MGA: variants seen among roughly 807,000 people sequenced by gnomAD.
MGA encodes the protein MAX gene-associated protein.
In MGA, 40 loss-of-function variants were observed where a neutral mutation model predicts 261.1. The ratio of observed to expected loss-of-function variants is 0.15; its 90% CI spans 0.12 to 0.20. MGA has a LOEUF of 0.20. Among genes scored for constraint, MGA ranks in the 10% least tolerant of loss-of-function variants. MGA has a pLI of 1.00. For missense variants in MGA, 3,397 were observed against 3,630.5 expected (o/e 0.94, Z 1.65); for synonymous variants, 1,302 against 1,290.6 (o/e 1.01, Z -0.19).
At chr15:41,719,869 A>C (rs915993735) in intron 9 of MGA, among the ~76,000 whole-genome samples, 20 of 152,326 alleles carry the variant, frequency 1.3e-4, no homozygotes, top group African/African-American at 4.6e-4. Context: ...ATATTTATGT[A>C]ATTTGCTGTA....
intron 2 of MGA, among the ~76,000 whole-genome samples, chr15:41,670,849 TTTGG>T (rs1222279006): frequency 9.9e-5 from 15 of 152,214 alleles, no homozygotes; most frequent in Admixed American, 3.3e-4. Flanking sequence ...AAGCTTCTTC[TTTGG>T]TTGGGCAATT....
intron 20 of MGA, among the ~76,000 whole-genome samples, chr15:41,761,275 A>G (rs1392778031): frequency 6.6e-6 from 1 of 152,260 alleles, no homozygotes; most frequent in Non-Finnish European, 1.5e-5. Context: ...GAAATATTCA[A>G]GGGAGCAGAA....
At position 41,711,384 on chromosome 15, in the gene MGA, G is replaced by A. The variant is rs1359935271; in HGVS notation, c.3084+35G>A. On this transcript the variant is annotated intron_variant, in intron 8 of 23. Coordinates refer to ENST00000219905, the MANE Select transcript of MGA (RefSeq NM_001164273.2). ...TGCTGTTTTCTGGAGGTATATTAGT[G>A]CTTGGCTAGAAAGAGCGAGGTTAGT... 5 of 1,538,864 alleles carry A rather than the reference G, an allele frequency of 3.2e-6. No individual in the cohort carries two copies. In the East Asian group the frequency reaches 1.1e-4, roughly 35 times the overall value.
At position 41,742,055 on chromosome 15, in the gene MGA, T is replaced by G. The variant is rs186975446; in HGVS notation, c.4586-491T>G. Among the ~76,000 whole-genome samples, 11 of 152,024 alleles carry G rather than the reference T, an allele frequency of 7.2e-5. No individual in the cohort carries two copies. The East Asian group carries it at 1.8e-3, about 24-fold the overall frequency. On this transcript the variant is annotated intron_variant, in intron 14 of 23. Coordinates refer to ENST00000219905, the MANE Select transcript of MGA (RefSeq NM_001164273.2). ...CCTTTCTTGTTAGAACTGAGGTTTG[T>G]TTTTGGTCAAGGCAAGCGTTTGATT...
intron 5 of MGA, among the ~76,000 whole-genome samples, chr15:41,701,180 T>C (rs1005803268): frequency 2.0e-5 from 3 of 152,142 alleles, no homozygotes; most frequent in Non-Finnish European, 2.9e-5. Context: ...TATCTTTTTT[T>C]CTCCCCTTTT....
In MGA at chr15:41,736,405, A is replaced by G. The variant is rs1293264195; in HGVS notation, c.4141A>G (p.Lys1381Glu). Reference sequence around the variant, plus strand: ...CATCATTGAGTTGGCTTCTCAGCGAAAGAGCCGGGGTGAGAAGAACCCTCC... The same window carrying G: ...CATCATTGAGTTGGCTTCTCAGCGAGAGAGCCGGGGTGAGAAGAACCCTCC... The change falls in exon 13 of 24, where the codon AAG becomes GAG. Residue 1381 changes from lysine (K) to glutamate (E), a missense_variant. This residue lies in a region of MGA where 1,410 missense variants were observed against 1,386.4 expected (regional missense o/e 1.02). Coordinates refer to ENST00000219905, the MANE Select transcript of MGA (RefSeq NM_001164273.2). 6.2e-7 allele frequency: 1 copy of G among 1,614,016 alleles called. No individual in the cohort carries two copies. Among genetic ancestry groups the G allele is most frequent in the South Asian group, 1.1e-5 (1 of 91,080 alleles).
intron 1 of MGA, among the ~76,000 whole-genome samples, chr15:41,654,685 C>G (rs774582998): frequency 6.6e-6 from 1 of 152,140 alleles, no homozygotes; most frequent in East Asian, 1.9e-4. Flanking sequence ...GCCACTGTGC[C>G]ATCTTTTAAA....
intron 1 of MGA, among the ~76,000 whole-genome samples, chr15:41,666,338 T>C (rs2057737135): frequency 6.6e-6 from 1 of 152,264 alleles, no homozygotes; most frequent in African/African-American, 2.4e-5. Context: ...TTTCCAGAGA[T>C]AGTCTGTGTA....
intron 9 of MGA, chr15:41,718,471 G>A: frequency 1.3e-6 from 1 of 766,188 alleles, no homozygotes; most frequent in Non-Finnish European, 2.3e-6. Flanking sequence ...CGTACAATTT[G>A]TGAGTCCACA....
chr15:41,627,830 T>C (rs1413623469), intron 1 of MGA, among the ~76,000 whole-genome samples: 1 of 152,192 alleles, frequency 6.6e-6, no homozygotes, highest in Non-Finnish European at 1.5e-5. Context: ...GGACTCTGTT[T>C]TAAGAAGAAC....
rs551684376 is a variant in MGA at position 41,769,330 on chromosome 15, T to C, written c.*2050T>C. ...TTTTTTTTTTTTTTTAAGAAGAATATAGGTAAACAGGTAATGATTCTTGAT... is the reference window on the plus strand; with the variant it reads ...TTTTTTTTTTTTTTTAAGAAGAATACAGGTAAACAGGTAATGATTCTTGAT... On this transcript the variant is annotated 3_prime_UTR_variant, in exon 24 of 24. Transcript: ENST00000219905. 7.0e-6 allele frequency: 1 copy of C among 142,494 alleles called. No individual in the cohort carries two copies. The highest frequency in any genetic ancestry group is 2.2e-4 in the South Asian group (1 of 4,498). 8.8% of individuals were successfully genotyped at this position (142,494 alleles called of 1,614,324 possible). A position where few individuals can be genotyped will look rare whatever the true frequency, so the allele number is the denominator to read the frequency against.
intron 1 of MGA, among the ~76,000 whole-genome samples, chr15:41,665,178 C>G (rs2057659215): frequency 6.6e-6 from 1 of 152,134 alleles, no homozygotes; most frequent in Admixed American, 6.5e-5. Flanking sequence ...AGATTAGGTG[C>G]TTTTGCTGCT....
chr15:41,762,428 A>T, intron 22 of MGA, 66 bp downstream of exon 22: 2 of 615,626 alleles, frequency 3.2e-6, no homozygotes, highest in Middle Eastern at 4.8e-4. Context: ...TGGACTGACC[A>T]CCTTCTCTTG....
chr15:41,763,381 G>A (rs898813667), intron 22 of MGA, among the ~76,000 whole-genome samples: 2 of 151,492 alleles, frequency 1.3e-5, no homozygotes, highest in East Asian at 2.0e-4. Flanking sequence ...GATTACAGGC[G>A]TGAGCCACTG....
At chr15:41,623,773 A>T (rs1156238852) in intron 1 of MGA, among the ~76,000 whole-genome samples, 40 of 104,684 alleles carry the variant, frequency 3.8e-4, no homozygotes, top group African/African-American at 1.2e-3. Flanking sequence ...ATATATATAT[A>T]TATTTTTTTT....
In MGA at chr15:41,769,243, AG is replaced by A. The variant is rs2063941124; in HGVS notation, c.*1965del. On this transcript the variant is annotated 3_prime_UTR_variant, in exon 24 of 24. Transcript: ENST00000219905. ...GGCTTTTGAGGGTCAGCCAAGGAGC[AG>A]GCAAGTGAGTGAACAATCCTCAGGA... 1 of 151,454 alleles carries A rather than the reference AG, an allele frequency of 6.6e-6. No individual in the cohort carries two copies. Among genetic ancestry groups the A allele is most frequent in the Non-Finnish European group, 1.5e-5 (1 of 67,932 alleles). The allele number at this position is 151,454 out of a possible 1,614,324, so 9.4% of individuals were successfully genotyped here.
intron 2 of MGA, chr15:41,684,271 C>T (rs1345077992): frequency 5.6e-6 from 2 of 355,846 alleles, no homozygotes; most frequent in Non-Finnish European, 1.1e-5. Context: ...CTTAATGTGT[C>T]TTAGAGTGGC....
chr15:41,668,431 T>C (rs1245515857), intron 1 of MGA, among the ~76,000 whole-genome samples: 1 of 152,204 alleles, frequency 6.6e-6, no homozygotes, highest in Non-Finnish European at 1.5e-5. Context: ...GGGAACTTGC[T>C]ATATAAAGGA....
chr15:41,765,111 A>T (rs758222193), intron 23 of MGA, 49 bp downstream of exon 23: 1 of 1,584,530 alleles, frequency 6.3e-7, no homozygotes, highest in African/African-American at 1.3e-5. Flanking sequence ...GTTATCCCTA[A>T]CATCTCACGG....
Sources: allele counts gnomAD v4.1 joint callset (sites outside exome capture counted in the v4.1 genomes callset), GRCh38; gene constraint gnomAD v4.1.1; regional missense constraint gnomAD v4.1.1; transcripts MANE v1.5; gene names NCBI Gene and HGNC (gene_info 2026-07-23, HGNC 2026-07-21).